Variants in PLEKHB2 observed in about 807,000 individuals in gnomAD.
The protein encoded by PLEKHB2 is pleckstrin homology domain-containing family B member 2.
A neutral mutation model predicts 36.5 loss-of-function variants in PLEKHB2; 31 were observed. The ratio of observed to expected loss-of-function variants is 0.85; its 90% CI spans 0.64 to 1.15. The LOEUF (loss-of-function observed/expected upper bound fraction) is 1.15, where lower values mean the gene tolerates loss of function less well. Ranked by LOEUF, PLEKHB2 falls within the 50% of genes most tolerant of loss-of-function variation. The pLI, the probability that PLEKHB2 is intolerant of heterozygous loss-of-function variation, is 0.00. For synonymous variants in PLEKHB2, 119 were observed against 112.0 expected (o/e 1.06, Z -0.39); for missense variants, 262 against 295.3 (o/e 0.89, Z 0.83).
At position 131,131,757 on chromosome 2, in the gene PLEKHB2, C is replaced by CTT. The variant is rs370767683; in HGVS notation, c.333+997_333+998insTT. 1.2e-4 allele frequency among the ~76,000 whole-genome samples: 18 copies of CTT among 145,370 alleles called. 1 individual carries two copies. The highest frequency in any genetic ancestry group is 3.5e-4 in the African/African-American group (13 of 36,824). ...GTTACCTTTTCTTCATGAAAATCCC[C>CTT]CTTTTTTTTTTTTTTTTTGGGTAAA... is the stretch of plus-strand genomic sequence containing the variant. On this transcript the variant is annotated intron_variant, in intron 5 of 7. Coordinates refer to ENST00000693505, the MANE Select transcript of PLEKHB2 (RefSeq NM_001100623.2).
At position 131,140,260 on chromosome 2, in the gene PLEKHB2, C is replaced by T; in HGVS notation, c.517C>T (p.Gln173Ter). The T allele has an allele frequency of 1.2e-6, 2 of 1,601,216 alleles. No individual in the cohort carries two copies. The highest frequency in any genetic ancestry group is 1.7e-6 in the Non-Finnish European group (2 of 1,168,734). The part of the protein sequence containing the change: ...ANGQAYAVPY[Q>*]YPYAGLYGQQ... The stretch of plus-strand genomic sequence containing the variant: ...TGGGCAGGCGTATGCCGTGCCCTAC[C>T]AGTACCCATATGCAGGTAACTCACG... Residue 173 changes from glutamine (Q) to a stop codon, truncating the protein, a stop_gained, in exon 7 of 8, where the codon CAG becomes TAG. Transcript: ENST00000693505. LOFTEE classifies it high-confidence loss of function.
At chr2:131,116,729 A>G (rs943714656) in intron 1 of PLEKHB2, among the ~76,000 whole-genome samples, 1 of 152,204 alleles carries the variant, frequency 6.6e-6, no homozygotes, top group Non-Finnish European at 1.5e-5. Flanking sequence ...GAGCCAAACC[A>G]TATCATCTGG....
intron 1 of PLEKHB2, chr2:131,120,419 T>A (rs1000659185): frequency 6.3e-6 from 1 of 158,076 alleles, no homozygotes; most frequent in Admixed American, 6.2e-5. Flanking sequence ...CTCATTTAAC[T>A]TTTTTTCCAT....
At chr2:131,123,639 T>G (rs1041342659) in intron 2 of PLEKHB2, among the ~76,000 whole-genome samples, 1 of 152,008 alleles carries the variant, frequency 6.6e-6, no homozygotes, top group African/African-American at 2.4e-5. Flanking sequence ...ATTTTCCTGC[T>G]TCAGCCTCCT....
chr2:131,138,789 T>C (rs1698509896), intron 6 of PLEKHB2, among the ~76,000 whole-genome samples: 1 of 152,202 alleles, frequency 6.6e-6, no homozygotes, highest in Non-Finnish European at 1.5e-5. Flanking sequence ...TGATCCCATC[T>C]CAGTGGAATA....
intron 7 of PLEKHB2, among the ~76,000 whole-genome samples, chr2:131,145,028 G>A (rs1328799323): frequency 1.3e-5 from 2 of 152,184 alleles, no homozygotes; most frequent in African/African-American, 4.8e-5. Flanking sequence ...ATTTACGATG[G>A]TTTCATTGTA....
intron 6 of PLEKHB2, among the ~76,000 whole-genome samples, chr2:131,133,901 GTTTT>G (rs537745063): frequency 7.3e-6 from 1 of 137,886 alleles, no homozygotes; most frequent in African/African-American, 2.7e-5. Flanking sequence ...TTGCTGAGTG[GTTTT>G]TTTTTTTTTT....
intron 7 of PLEKHB2, chr2:131,144,342 T>G: frequency 1.5e-6 from 1 of 662,232 alleles, no homozygotes; most frequent in East Asian, 3.4e-5. Flanking sequence ...TCTCCTATAA[T>G]GTGGGGTTGA....
chr2:131,107,982 A>G (rs1694907990), intron 1 of PLEKHB2: 2 of 152,230 alleles, frequency 1.3e-5, no homozygotes, highest in African/African-American at 4.8e-5. Flanking sequence ...CTTTTGGACC[A>G]TCTACTACAG....
intron 2 of PLEKHB2, among the ~76,000 whole-genome samples, 195 bp from the exon 3 acceptor site, chr2:131,125,558 G>A (rs114669277): frequency 0.022 from 3,308 of 152,262 alleles, 124 homozygotes; most frequent in African/African-American, 0.075. Context: ...AAATTTTGAA[G>A]GCTGAGCATG....
chr2:131,118,241 C>A (rs1027409073), intron 1 of PLEKHB2, among the ~76,000 whole-genome samples: 2 of 152,082 alleles, frequency 1.3e-5, no homozygotes, highest in Non-Finnish European at 2.9e-5. Context: ...CTTTTGTTTG[C>A]TGGGGATTGT....
At chr2:131,107,040 G>A (rs1333865907) in intron 1 of PLEKHB2, among the ~76,000 whole-genome samples, 1 of 152,214 alleles carries the variant, frequency 6.6e-6, no homozygotes, top group Non-Finnish European at 1.5e-5. Flanking sequence ...CCTTGGGAAG[G>A]TGGAGGTTTC....
chr2:131,105,955 G>T (rs1364916408), intron 1 of PLEKHB2, among the ~76,000 whole-genome samples: 1 of 152,088 alleles, frequency 6.6e-6, no homozygotes, highest in Non-Finnish European at 1.5e-5. Context: ...CTTAAGTCCC[G>T]GGGGGCGTTG....
At chr2:131,115,052 A>G (rs1266001220) in intron 1 of PLEKHB2, among the ~76,000 whole-genome samples, 1 of 152,186 alleles carries the variant, frequency 6.6e-6, no homozygotes, top group African/African-American at 2.4e-5. Context: ...GGTTTAGTTG[A>G]CTCACAGTTC....
intron 4 of PLEKHB2, among the ~76,000 whole-genome samples, chr2:131,128,742 C>T (rs1351096267): frequency 1.3e-5 from 2 of 152,062 alleles, no homozygotes; most frequent in Admixed American, 1.3e-4. Context: ...ATGAAAAGAT[C>T]AGAGATATGT....
In PLEKHB2 at chr2:131,140,223, C is replaced by G. The variant is rs992903890; in HGVS notation, c.480C>G (p.Val160=). 3 of 1,613,672 alleles carry G rather than the reference C, an allele frequency of 1.9e-6. No individual in the cohort carries two copies. The highest frequency in any genetic ancestry group is 4.5e-5 in the East Asian group (2 of 44,894). ...GGAYPPGTQV[V]YAANGQAYAV... ...CGTACCCGCCAGGAACTCAAGTTGT[C>G]TACGCTGCGAATGGGCAGGCGTATG... Residue 160 remains valine, a synonymous_variant, in exon 7 of 8, where the codon GTC becomes GTG. Coordinates refer to ENST00000693505, the MANE Select transcript of PLEKHB2 (RefSeq NM_001100623.2).
At chr2:131,134,507 GAT>G (rs1485362447) in intron 6 of PLEKHB2, among the ~76,000 whole-genome samples, 1 of 152,150 alleles carries the variant, frequency 6.6e-6, no homozygotes, top group African/African-American at 2.4e-5. Context: ...TTTTTTATAA[GAT>G]AGATGTCTTT....
chr2:131,146,973 C>T lies in PLEKHB2; in HGVS notation c.*200C>T. On this transcript the variant is annotated 3_prime_UTR_variant, in exon 8 of 8. Coordinates refer to ENST00000693505, the MANE Select transcript of PLEKHB2 (RefSeq NM_001100623.2). Reference sequence around the variant, plus strand: ...CTGTGCTATTTTGTTCAAATGTTGACTCTCCGGGGGCACTGGCTCATTCCA... The same window carrying T: ...CTGTGCTATTTTGTTCAAATGTTGATTCTCCGGGGGCACTGGCTCATTCCA... 1 of 436,578 alleles carries T rather than the reference C, an allele frequency of 2.3e-6. No homozygotes were observed. The highest frequency in any genetic ancestry group is 4.0e-6 in the Non-Finnish European group (1 of 250,612). 27.0% of individuals were successfully genotyped at this position (436,578 alleles called of 1,614,324 possible). A position where few individuals can be genotyped will look rare whatever the true frequency, so the allele number is the denominator to read the frequency against.
At chr2:131,125,635 T>C in intron 2 of PLEKHB2, 118 bp from the exon 3 acceptor site, 1 of 768,306 alleles carries the variant, frequency 1.3e-6, no homozygotes, top group Non-Finnish European at 2.0e-6. Context: ...AGCCCAGGAG[T>C]TCAAGGCTGC....
Sources: gnomAD v4.1 joint callset for allele counts (sites outside exome capture counted in the v4.1 genomes callset) on GRCh38, gnomAD v4.1.1 for gene constraint, MANE v1.5 for transcripts, NCBI Gene and HGNC (gene_info 2026-07-23, HGNC 2026-07-21) for gene names.